Variants in CCDC85C observed in about 807,000 individuals in gnomAD.
CCDC85C encodes the protein coiled-coil domain-containing protein 85C.
CCDC85C carries 18 observed loss-of-function variants against 38.3 expected under a neutral mutation model. The ratio of observed to expected loss-of-function variants is 0.47; its 90% CI spans 0.33 to 0.70. The LOEUF (loss-of-function observed/expected upper bound fraction) is 0.70, where lower values mean the gene tolerates loss of function less well. Ranked by LOEUF, CCDC85C falls within the 30% of genes least tolerant of loss-of-function variation. CCDC85C has a pLI of 0.03. For missense variants in CCDC85C, 566 were observed against 621.2 expected (o/e 0.91, Z 0.94); for synonymous variants, 264 against 293.8 (o/e 0.90, Z 1.04).
Position 99,559,044 on chromosome 14 carries a change from G to A in CCDC85C, c.794-22956C>T, listed in dbSNP as rs996296540. ...TGCAAGACGCACCCGCCTCCCCTTC[G>A]CCTTCCGCCATGATTGTACATTTCC... On this transcript the variant is annotated intron_variant, in intron 1 of 5. Coordinates refer to ENST00000380243, the MANE Select transcript of CCDC85C (RefSeq NM_001144995.2). 3.9e-5 allele frequency among the ~76,000 whole-genome samples: 6 copies of A among 152,028 alleles called. No homozygotes were observed. The South Asian group carries it at 6.3e-4, about 16-fold the overall frequency.
In CCDC85C at chr14:99,510,570, C is replaced by A; in HGVS notation, c.*4676G>T. 3.9e-6 allele frequency: 2 copies of A among 511,686 alleles called. 1 individual carries two copies. The highest frequency in any genetic ancestry group is 3.8e-5 in the South Asian group (2 of 52,872). 31.7% of individuals were successfully genotyped at this position (511,686 alleles called of 1,614,324 possible). A position where few individuals can be genotyped will look rare whatever the true frequency, so the allele number is the denominator to read the frequency against. ...TACTCCTGGCTACCCCCCACCCCCA[C>A]CCACCTACAACCCCAACTTCCCACC... On this transcript the variant is annotated 3_prime_UTR_variant, in exon 6 of 6. Transcript: ENST00000380243.
chr14:99,529,295 G>C (rs1897448482), intron 2 of CCDC85C, among the ~76,000 whole-genome samples: 1 of 152,146 alleles, frequency 6.6e-6, no homozygotes. Context: ...CCCTCTGCAG[G>C]CCCATTACTT....
chr14:99,598,901 C>T (rs961863615), intron 1 of CCDC85C, among the ~76,000 whole-genome samples: 8 of 152,154 alleles, frequency 5.3e-5, no homozygotes, highest in African/African-American at 1.9e-4. Flanking sequence ...ACAGTTTACC[C>T]ACCCCTGGGT....
Position 99,591,432 on chromosome 14 carries a change from G to GCCACGGCTC in CCDC85C, c.793+11726_793+11734dup, listed in dbSNP as rs533740335. On this transcript the variant is annotated intron_variant, in intron 1 of 5. Transcript: ENST00000380243. The stretch of plus-strand genomic sequence containing the variant: ...AGCCTGGCCTGGGGCTGCGGAGGCT[G>GCCACGGCTC]CCACGGCTCCCACGGCTCCCACGGA... 3.3e-3 allele frequency among the ~76,000 whole-genome samples: 504 copies of GCCACGGCTC among 152,208 alleles called. 2 individuals are homozygous for GCCACGGCTC. Among genetic ancestry groups the GCCACGGCTC allele is most frequent in the African/African-American group, 0.011 (466 of 41,514 alleles).
rs1896810900 is a variant in CCDC85C at position 99,501,029 on chromosome 14, A to T, written c.*14217T>A. ...CAGTCAATTCAGCATTGCAGCTGCTAATGCTGTTTCCTTTTATGTATAAAC... is the reference window on the plus strand; with the variant it reads ...CAGTCAATTCAGCATTGCAGCTGCTTATGCTGTTTCCTTTTATGTATAAAC... On this transcript the variant is annotated 3_prime_UTR_variant, in exon 6 of 6. Transcript: ENST00000380243. 1.6e-6 allele frequency: 1 copy of T among 623,070 alleles called. No individual in the cohort carries two copies. The highest frequency in any genetic ancestry group is 3.2e-5 in the Admixed American group (1 of 31,620). The allele number at this position is 623,070 out of a possible 1,614,324, so 38.6% of individuals were successfully genotyped here.
intron 1 of CCDC85C, among the ~76,000 whole-genome samples, chr14:99,550,401 C>T (rs571597610): frequency 6.6e-6 from 1 of 152,300 alleles, no homozygotes; most frequent in Non-Finnish European, 1.5e-5. Flanking sequence ...GCGGGCTCTC[C>T]CCTCTGGCCC....
At position 99,604,133 on chromosome 14, in the gene CCDC85C, C is replaced by G; in HGVS notation, c.-174G>C. ...GCGCCCGCCGGGGCCGCCCGGGAGC[C>G]CGCGCGCCTCGGGGTTGACGAGCGG... is the stretch of plus-strand genomic sequence containing the variant. On this transcript the variant is annotated 5_prime_UTR_variant, in exon 1 of 6. Coordinates refer to ENST00000380243, the MANE Select transcript of CCDC85C (RefSeq NM_001144995.2). The G allele has an allele frequency of 2.1e-6, 1 of 481,934 alleles. No individual in the cohort carries two copies. The highest frequency in any genetic ancestry group is 2.7e-6 in the Non-Finnish European group (1 of 372,926). The allele number at this position is 481,934 out of a possible 1,614,324, so 29.9% of individuals were successfully genotyped here.
chr14:99,521,078 A>G (rs1336278589), intron 3 of CCDC85C, among the ~76,000 whole-genome samples: 3 of 152,222 alleles, frequency 2.0e-5, no homozygotes, highest in Non-Finnish European at 2.9e-5. Flanking sequence ...ACTTCAGGAC[A>G]TAGCACTGAG....
intron 1 of CCDC85C, among the ~76,000 whole-genome samples, chr14:99,574,072 C>A (rs1347206792): frequency 2.0e-5 from 3 of 152,170 alleles, no homozygotes; most frequent in Non-Finnish European, 4.4e-5. Flanking sequence ...GGGCTCAGTG[C>A]ACATGCCAGG....
intron 1 of CCDC85C, among the ~76,000 whole-genome samples, chr14:99,567,952 A>C: frequency 6.6e-6 from 1 of 152,178 alleles, no homozygotes; most frequent in Non-Finnish European, 1.5e-5. Flanking sequence ...ACTCTTTTCG[A>C]CAGCTGCGGA....
rs1445580331 is a variant in CCDC85C, at chr14:99,572,433, C to G, written c.793+30734G>C. The stretch of plus-strand genomic sequence containing the variant: ...CTCCCACCCCCACCCCAAGGCCCTG[C>G]TCCACAGGGAAGCCAGAGGGCCTCA... On this transcript the variant is annotated intron_variant, in intron 1 of 5. Coordinates refer to ENST00000380243, the MANE Select transcript of CCDC85C (RefSeq NM_001144995.2). This position sits in a 1 kb window ranked among gnomAD's most constrained non-coding sequence, Gnocchi z 4.4. Among the ~76,000 whole-genome samples, 1 of 151,916 alleles carries G rather than the reference C, an allele frequency of 6.6e-6. No individual in the cohort carries two copies. Among genetic ancestry groups the G allele is most frequent in the Non-Finnish European group, 1.5e-5 (1 of 67,970 alleles).
intron 1 of CCDC85C, among the ~76,000 whole-genome samples, chr14:99,560,048 C>T (rs1437832105): frequency 2.0e-5 from 3 of 152,110 alleles, no homozygotes; most frequent in Admixed American, 1.3e-4. Flanking sequence ...CCACTCACCC[C>T]CTGCACACAG....
chr14:99,579,348 G>A (rs1159066558), intron 1 of CCDC85C, among the ~76,000 whole-genome samples: 1 of 152,256 alleles, frequency 6.6e-6, no homozygotes, highest in African/African-American at 2.4e-5. Context: ...TGCCGGTGGA[G>A]GAAGAGAAGT....
chr14:99,541,266 C>A (rs189317920), intron 1 of CCDC85C, among the ~76,000 whole-genome samples: 14 of 152,310 alleles, frequency 9.2e-5, no homozygotes, highest in Admixed American at 9.1e-4. Context: ...ATGAGCTCCT[C>A]AGGAGCGCTC....
intron 1 of CCDC85C, among the ~76,000 whole-genome samples, chr14:99,577,863 G>A (rs1898521465): frequency 6.7e-6 from 1 of 148,200 alleles, no homozygotes; most frequent in South Asian, 2.1e-4. Flanking sequence ...CAGTGTGTGT[G>A]TGTGTGCGTG....
At chr14:99,518,347 C>CT (rs1388633443) in intron 3 of CCDC85C, among the ~76,000 whole-genome samples, 1 of 152,108 alleles carries the variant, frequency 6.6e-6, no homozygotes, top group Admixed American at 6.5e-5. Context: ...GCTAGGGGGC[C>CT]TGGGAGCTGC....
At chr14:99,589,631 G>A (rs1482058908) in intron 1 of CCDC85C, among the ~76,000 whole-genome samples, 2 of 152,218 alleles carry the variant, frequency 1.3e-5, no homozygotes, top group Non-Finnish European at 1.5e-5. Flanking sequence ...CATTTTGGGG[G>A]TTCAGGGGTC....
At chr14:99,564,963 G>A (rs372710144) in intron 1 of CCDC85C, among the ~76,000 whole-genome samples, 62 of 152,304 alleles carry the variant, frequency 4.1e-4, no homozygotes, top group African/African-American at 1.4e-3. Flanking sequence ...CGGGATCTGC[G>A]TGGCGGCAGC....
intron 1 of CCDC85C, among the ~76,000 whole-genome samples, chr14:99,594,898 A>AG (rs1458699621): frequency 6.6e-6 from 1 of 152,240 alleles, no homozygotes; most frequent in African/African-American, 2.4e-5. Context: ...CAGGCCCAGC[A>AG]GGTGATGTGT....
Sources: allele counts gnomAD v4.1 joint callset (sites outside exome capture counted in the v4.1 genomes callset), GRCh38; gene constraint gnomAD v4.1.1; non-coding constraint Gnocchi (gnomAD v3.1); transcripts MANE v1.5; gene names NCBI Gene and HGNC (gene_info 2026-07-23, HGNC 2026-07-21).